FOXJ3: variants seen among roughly 807,000 people sequenced by gnomAD.
FOXJ3 encodes forkhead box protein J3.
Under a neutral mutation model 76.1 loss-of-function variants are expected in FOXJ3, and 22 were observed. The observed-to-expected ratio is 0.29, with a 90% CI of 0.21 to 0.41. FOXJ3 has a LOEUF of 0.41. FOXJ3 is among the 10% of genes least tolerant of loss of function. The probability of loss-of-function intolerance (pLI) is 1.00; values close to 1 mark genes in which losing one functional copy is unlikely to be tolerated. For synonymous variants in FOXJ3, 269 were observed against 261.2 expected, an observed-to-expected ratio of 1.03 and a Z score of -0.29; for missense variants, 613 against 762.1, an observed-to-expected ratio of 0.80 and a Z score of 2.30.
intron 9 of FOXJ3, among the ~76,000 whole-genome samples, chr1:42,190,530 CAAG>C (rs1475074077): frequency 2.0e-5 from 3 of 152,146 alleles, no homozygotes; most frequent in African/African-American, 7.2e-5. Flanking sequence ...TCCTTTAGTT[CAAG>C]AAGAACTTCA....
At chr1:42,201,926 G>A (rs1176090537) in intron 6 of FOXJ3, among the ~76,000 whole-genome samples, 1 of 151,632 alleles carries the variant, frequency 6.6e-6, no homozygotes, top group Non-Finnish European at 1.5e-5. Flanking sequence ...TTATTCTTGC[G>A]CCAGTTTTGA....
chr1:42,184,168 C>CA (rs1209784848), intron 11 of FOXJ3, among the ~76,000 whole-genome samples: 1 of 152,116 alleles, frequency 6.6e-6, no homozygotes, highest in Admixed American at 6.5e-5. Context: ...CCACACCACT[C>CA]AGAGTAATAG....
At chr1:42,241,041 A>C (rs1001562091) in intron 4 of FOXJ3, among the ~76,000 whole-genome samples, 1 of 152,222 alleles carries the variant, frequency 6.6e-6, no homozygotes, top group African/African-American at 2.4e-5. Context: ...GCAGGGAAGG[A>C]GGCGAGGGAA....
intron 2 of FOXJ3, among the ~76,000 whole-genome samples, chr1:42,309,456 T>C (rs2124753744): frequency 6.6e-6 from 1 of 152,362 alleles, no homozygotes; most frequent in East Asian, 1.9e-4. Context: ...AGGACTGGCC[T>C]GTCTAAAATA....
chr1:42,295,098 A>T (rs1448841872), intron 2 of FOXJ3, among the ~76,000 whole-genome samples: 1 of 152,142 alleles, frequency 6.6e-6, no homozygotes. Flanking sequence ...GTAAACATAC[A>T]TGTTTGTTAC....
chr1:42,319,063 T>A (rs1655282674), intron 1 of FOXJ3, among the ~76,000 whole-genome samples: 1 of 152,112 alleles, frequency 6.6e-6, no homozygotes, highest in African/African-American at 2.4e-5. Context: ...AGATCCCATC[T>A]CTAAAAAAAT....
Position 42,199,131 on chromosome 1 carries a change from T to C in FOXJ3, c.730A>G (p.Ser244Gly). Residue 244 changes from serine to glycine, a missense_variant, in exon 7 of 13, where the codon AGT becomes GGT. Ser to Gly is a moderately conservative substitution (Grantham distance 56). Around this residue, in one of 3 missense-constraint regions of FOXJ3, gnomAD observed 526 missense variants for 601.4 expected, o/e 0.87. Coordinates refer to ENST00000361346, the MANE Select transcript of FOXJ3 (RefSeq NM_014947.5). ...GTATAACTATGCACACTTCCAACACTGTTCAAATTAACAGATGCCAAACTC... is the reference window on the plus strand; with the variant it reads ...GTATAACTATGCACACTTCCAACACCGTTCAAATTAACAGATGCCAAACTC... ...DQSLASVNLN[S>G]VGSVHSYTPV... 1 of 1,613,840 alleles carries C rather than the reference T, an allele frequency of 6.2e-7. No homozygotes were observed. The highest frequency in any genetic ancestry group is 8.5e-7 in the Non-Finnish European group (1 of 1,179,726).
chr1:42,228,469 TTC>T (rs1333290326), intron 4 of FOXJ3, among the ~76,000 whole-genome samples: 1 of 151,840 alleles, frequency 6.6e-6, no homozygotes, highest in African/African-American at 2.4e-5. Flanking sequence ...GACTTAACTA[TTC>T]TCTCTTACTT....
chr1:42,242,047 C>A (rs937831965), intron 4 of FOXJ3, among the ~76,000 whole-genome samples: 1 of 152,120 alleles, frequency 6.6e-6, no homozygotes, highest in Non-Finnish European at 1.5e-5. Context: ...GACTACACTG[C>A]TACATACACC....
intron 5 of FOXJ3, among the ~76,000 whole-genome samples, chr1:42,206,270 G>A (rs1033204556): frequency 2.6e-5 from 4 of 152,176 alleles, no homozygotes; most frequent in Non-Finnish European, 4.4e-5. Context: ...ATGTGACTAC[G>A]GTGTGACCAA....
chr1:42,247,142 C>A (rs1428558056), intron 4 of FOXJ3, among the ~76,000 whole-genome samples: 2 of 151,874 alleles, frequency 1.3e-5, no homozygotes, highest in African/African-American at 4.8e-5. Context: ...TTGTTTATTT[C>A]AAAATAAACA....
At chr1:42,229,778 G>A (rs886984503) in intron 4 of FOXJ3, among the ~76,000 whole-genome samples, 2 of 152,142 alleles carry the variant, frequency 1.3e-5, no homozygotes, top group African/African-American at 2.4e-5. Flanking sequence ...CAGAATAAAT[G>A]CAAGGGGGAA....
At chr1:42,281,619 A>G (rs987435439) in intron 2 of FOXJ3, among the ~76,000 whole-genome samples, 1 of 152,188 alleles carries the variant, frequency 6.6e-6, no homozygotes, top group Non-Finnish European at 1.5e-5. Context: ...CAATTTCTTA[A>G]ATTTTATATA....
At chr1:42,301,009 G>A (rs940101435) in intron 2 of FOXJ3, among the ~76,000 whole-genome samples, 6 of 152,018 alleles carry the variant, frequency 3.9e-5, no homozygotes, top group African/African-American at 1.2e-4. Flanking sequence ...GGTTCTTCTT[G>A]CAATTTATCT....
chr1:42,309,914 C>T (rs1010733839), intron 2 of FOXJ3, among the ~76,000 whole-genome samples: 3 of 152,186 alleles, frequency 2.0e-5, no homozygotes, highest in African/African-American at 7.2e-5. Flanking sequence ...AATTGATTGG[C>T]AAAACTCATC....
At chr1:42,189,524 G>C (rs955494682) in intron 9 of FOXJ3, 120 bp from the exon 10 acceptor site, 1 of 678,822 alleles carries the variant, frequency 1.5e-6, no homozygotes, top group Non-Finnish European at 2.6e-6. Flanking sequence ...CTTACAAGGG[G>C]ATTTGTACCC....
intron 1 of FOXJ3, among the ~76,000 whole-genome samples, chr1:42,311,899 AG>A (rs1355607964): frequency 6.6e-6 from 1 of 152,236 alleles, no homozygotes; most frequent in Non-Finnish European, 1.5e-5. Flanking sequence ...CAAATGTAAA[AG>A]TGTCTATCAG....
At chr1:42,213,280 T>C (rs927408592) in intron 5 of FOXJ3, among the ~76,000 whole-genome samples, 6 of 152,130 alleles carry the variant, frequency 3.9e-5, no homozygotes, top group Non-Finnish European at 7.4e-5. Context: ...AGATATACAC[T>C]GGCTGAATGG....
chr1:42,255,548 G>A (rs912813190), intron 4 of FOXJ3, among the ~76,000 whole-genome samples: 1 of 152,122 alleles, frequency 6.6e-6, no homozygotes, highest in South Asian at 2.1e-4. Context: ...GAGATCATCA[G>A]ACAATTTTAA....
Sources: allele counts gnomAD v4.1 joint callset (sites outside exome capture counted in the v4.1 genomes callset), GRCh38; gene constraint gnomAD v4.1.1; regional missense constraint gnomAD v4.1.1; transcripts MANE v1.5; gene names NCBI Gene and HGNC (gene_info 2026-07-23, HGNC 2026-07-21).